The following LPP variants were observed in gnomAD, a reference collection of about 807,000 sequenced individuals.
The protein encoded by LPP is lipoma-preferred partner.
Under a neutral mutation model 60.4 loss-of-function variants are expected in LPP, and 38 were observed. The observed-to-expected ratio is 0.63, with a 90% CI of 0.49 to 0.83. The LOEUF is 0.83. Ranked by LOEUF, LPP falls within the 40% of genes least tolerant of loss-of-function variation. LPP has a pLI of 0.00. For synonymous variants in LPP, 328 were observed against 290.8 expected (o/e 1.13, Z -1.30); for missense variants, 902 against 783.6 (o/e 1.15, Z -1.80).
intron 8 of LPP, among the ~76,000 whole-genome samples, chr3:188,731,103 T>C (rs1489087752): frequency 6.6e-6 from 1 of 152,216 alleles, no homozygotes; most frequent in South Asian, 2.1e-4. Context: ...TTTCAAGCAT[T>C]TGGACATGGT....
intron 8 of LPP, chr3:188,759,494 C>A (rs1169820033): frequency 6.6e-6 from 1 of 152,340 alleles, no homozygotes; most frequent in African/African-American, 2.4e-5. Flanking sequence ...AGAACTAGAA[C>A]CATGGGGTAA....
At chr3:188,473,277 A>C (rs573134486) in intron 4 of LPP, among the ~76,000 whole-genome samples, 4 of 152,220 alleles carry the variant, frequency 2.6e-5, no homozygotes, top group Admixed American at 6.5e-5. Flanking sequence ...AAACACTGAC[A>C]TAATACTTCC....
intron 3 of LPP, among the ~76,000 whole-genome samples, chr3:188,404,611 T>C (rs1042492358): frequency 6.6e-6 from 1 of 152,112 alleles, no homozygotes; most frequent in Non-Finnish European, 1.5e-5. Flanking sequence ...ATGCCACTTG[T>C]TGGTGGTGTG....
rs140752979 is a variant in LPP at position 188,685,188 on chromosome 3, C to T, written c.1114-23079C>T. Reference sequence around the variant, plus strand: ...GCTCTGAAGTATGTTCTCTCTATGACGACACTGTGCTCTGAGGGAGTGAGA... The same window carrying T: ...GCTCTGAAGTATGTTCTCTCTATGATGACACTGTGCTCTGAGGGAGTGAGA... On this transcript the variant is annotated intron_variant, in intron 7 of 11. Coordinates refer to ENST00000617246, the MANE Select transcript of LPP (RefSeq NM_001375462.1). 5.3e-5 allele frequency among the ~76,000 whole-genome samples: 8 copies of T among 152,220 alleles called. No homozygotes were observed. The East Asian group carries it at 1.2e-3, about 22-fold the overall frequency.
At chr3:188,167,279 C>T (rs1720252665) in intron 1 of LPP, among the ~76,000 whole-genome samples, 2 of 152,144 alleles carry the variant, frequency 1.3e-5, no homozygotes, top group South Asian at 2.1e-4. Flanking sequence ...GGGCAGGTCA[C>T]CTGAGGTCAG....
intron 2 of LPP, among the ~76,000 whole-genome samples, chr3:188,273,089 C>T (rs1023365531): frequency 7.2e-5 from 11 of 152,176 alleles, no homozygotes; most frequent in Admixed American, 6.5e-5. Flanking sequence ...TGTTTTCTGC[C>T]TTTCCAGGCT....
chr3:188,834,257 A>G (rs555589526), intron 9 of LPP, among the ~76,000 whole-genome samples: 8 of 148,420 alleles, frequency 5.4e-5, no homozygotes, highest in African/African-American at 7.5e-5. Flanking sequence ...TGGTGCTGCA[A>G]TTTGTATCTT....
At chr3:188,578,285 T>C (rs963148070) in intron 6 of LPP, among the ~76,000 whole-genome samples, 3 of 152,056 alleles carry the variant, frequency 2.0e-5, no homozygotes, top group Admixed American at 6.6e-5. Flanking sequence ...TCCTTTCCTT[T>C]TTTCTTTTAA....
At chr3:188,447,201 T>A (rs969577981) in intron 4 of LPP, among the ~76,000 whole-genome samples, 5 of 152,196 alleles carry the variant, frequency 3.3e-5, no homozygotes, top group African/African-American at 1.2e-4. Context: ...AGACTCTGAT[T>A]TCATTGTTTT....
intron 1 of LPP, among the ~76,000 whole-genome samples, chr3:188,173,762 C>T (rs1722298930): frequency 6.6e-6 from 1 of 152,102 alleles, no homozygotes; most frequent in African/African-American, 2.4e-5. Flanking sequence ...GGGGAAGAGA[C>T]TGAGGCCCCC....
intron 8 of LPP, among the ~76,000 whole-genome samples, chr3:188,728,009 T>A (rs2149991462): frequency 6.6e-6 from 1 of 152,298 alleles, no homozygotes; most frequent in East Asian, 1.9e-4. Context: ...GATCATAGAT[T>A]GTTAAGGCTG....
intron 2 of LPP, among the ~76,000 whole-genome samples, chr3:188,318,500 G>A (rs1755813729): frequency 6.6e-6 from 1 of 151,780 alleles, no homozygotes; most frequent in Non-Finnish European, 1.5e-5. Flanking sequence ...GGAGTAGAAT[G>A]TTTCCTAAAG....
intron 7 of LPP, among the ~76,000 whole-genome samples, chr3:188,665,753 G>T (rs967637140): frequency 6.6e-6 from 1 of 152,076 alleles, no homozygotes; most frequent in African/African-American, 2.4e-5. Flanking sequence ...GAGCCACCTC[G>T]CCCGGCCAGC....
At chr3:188,626,915 A>G (rs1350479209) in intron 7 of LPP, among the ~76,000 whole-genome samples, 1 of 151,394 alleles carries the variant, frequency 6.6e-6, no homozygotes, top group Non-Finnish European at 1.5e-5. Context: ...GAAATACCTC[A>G]AAAATCACAT....
At chr3:188,367,534 T>C (rs1771580768) in intron 3 of LPP, among the ~76,000 whole-genome samples, 1 of 152,186 alleles carries the variant, frequency 6.6e-6, no homozygotes, top group Non-Finnish European at 1.5e-5. Context: ...ATGATGTCGA[T>C]AAAAATAGAG....
intron 2 of LPP, among the ~76,000 whole-genome samples, chr3:188,281,218 G>T (rs1473137791): frequency 6.6e-6 from 1 of 152,036 alleles, no homozygotes; most frequent in Non-Finnish European, 1.5e-5. Context: ...GCACATAAAA[G>T]CCTTTTACAT....
chr3:188,771,226 C>T (rs1262703246), intron 9 of LPP, among the ~76,000 whole-genome samples: 1 of 151,852 alleles, frequency 6.6e-6, no homozygotes, highest in Non-Finnish European at 1.5e-5. Flanking sequence ...GGAATGAATT[C>T]ATTTGTGATC....
chr3:188,589,663 AAACTTGCGAGGCTC>A (rs1372920694), intron 6 of LPP, among the ~76,000 whole-genome samples: 1 of 152,222 alleles, frequency 6.6e-6, no homozygotes, highest in Non-Finnish European at 1.5e-5. Flanking sequence ...TTACCACTGA[AAACTTGCGAGGCTC>A]AAAGTAGTTT....
intron 4 of LPP, among the ~76,000 whole-genome samples, chr3:188,423,922 GA>G: frequency 6.6e-6 from 1 of 151,712 alleles, no homozygotes; most frequent in African/African-American, 2.4e-5. Flanking sequence ...CACTCTGATA[GA>G]TAGTTTTTTT....
Sources: gnomAD v4.1 joint callset for allele counts (sites outside exome capture counted in the v4.1 genomes callset) on GRCh38, gnomAD v4.1.1 for gene constraint, MANE v1.5 for transcripts, NCBI Gene and HGNC (gene_info 2026-07-23, HGNC 2026-07-21) for gene names.